The following TCF7L2 variants were observed in gnomAD, a reference collection of about 807,000 sequenced individuals.
TCF7L2 encodes the protein transcription factor 7-like 2.
In TCF7L2, 23 loss-of-function variants were observed where a neutral mutation model predicts 77.9. That is an observed-to-expected ratio of 0.30 (90% CI 0.21 to 0.42). TCF7L2 has a LOEUF of 0.42. Ranked by LOEUF, TCF7L2 falls within the 10% of genes least tolerant of loss-of-function variation. The pLI, the probability that TCF7L2 is intolerant of heterozygous loss-of-function variation, is 1.00. For synonymous variants in TCF7L2, 413 were observed against 340.2 expected, an observed-to-expected ratio of 1.21 and a Z score of -2.36; for missense variants, 654 against 793.1, an observed-to-expected ratio of 0.82 and a Z score of 2.11.
intron 5 of TCF7L2, among the ~76,000 whole-genome samples, chr10:113,100,533 A>G (rs1378625630): frequency 6.6e-6 from 1 of 152,098 alleles, no homozygotes; most frequent in Non-Finnish European, 1.5e-5. Flanking sequence ...GCACTAAAAG[A>G]TGAAAGCACT....
rs2067950137 is a variant in TCF7L2 at position 113,139,449 on chromosome 10, C to T, written c.553-1735C>T. Among the ~76,000 whole-genome samples, 10 of 152,308 alleles carry T rather than the reference C, an allele frequency of 6.6e-5. No individual in the cohort carries two copies. The South Asian group carries it at 2.1e-3, about 32-fold the overall frequency. Reference sequence around the variant, plus strand: ...TTCACCCTGGCCATGGCCTGCCCCGCCCTTCATGGCTGCCCCTTTTATGGA... The same window carrying T: ...TTCACCCTGGCCATGGCCTGCCCCGTCCTTCATGGCTGCCCCTTTTATGGA... On this transcript the variant is annotated intron_variant, in intron 5 of 13. Transcript: ENST00000627217.
Position 113,151,141 on chromosome 10 carries a change from T to A in TCF7L2, c.1001+18T>A. 6.2e-7 allele frequency: 1 copy of A among 1,614,130 alleles called. No homozygotes were observed. On this transcript the variant is annotated intron_variant, in intron 9 of 13. Coordinates refer to ENST00000627217, the MANE Select transcript of TCF7L2 (RefSeq NM_001146274.2). This position sits in a 1 kb window ranked among gnomAD's most constrained non-coding sequence, Gnocchi z 5.2. ...CATAGTTCGTAAGTGTTGCTGTTTT[T>A]CTCACCTTCTTCGTAGCCGCAGTGT...
At chr10:113,145,977 T>A (rs765241119) in intron 7 of TCF7L2, 34 bp from the exon 8 acceptor site, 1 of 1,332,944 alleles carries the variant, frequency 7.5e-7, no homozygotes, top group Non-Finnish European at 1.1e-6. Context: ...CCACCCTTGT[T>A]TCAAGTCTCT....
In TCF7L2 at chr10:113,020,565, T is replaced by C. The variant is rs116341568; in HGVS notation, c.451-19460T>C. Among the ~76,000 whole-genome samples, 1,522 of 152,312 alleles carry C rather than the reference T, an allele frequency of 1.0e-2. 30 individuals are homozygous for C. Among genetic ancestry groups the C allele is most frequent in the African/African-American group, 0.034 (1,405 of 41,566 alleles). ...TGACATGGTGCAAAGAGCCAATTCC[T>C]GGTTGCAAAGAGGCAGCTGGGTGCA... is the stretch of plus-strand genomic sequence containing the variant. On this transcript the variant is annotated intron_variant, in intron 4 of 13. Coordinates refer to ENST00000627217, the MANE Select transcript of TCF7L2 (RefSeq NM_001146274.2).
chr10:113,066,602 C>T (rs943480629), intron 5 of TCF7L2, among the ~76,000 whole-genome samples: 2 of 152,126 alleles, frequency 1.3e-5, no homozygotes, highest in African/African-American at 2.4e-5. Context: ...TAAAAGCTTC[C>T]AAACCCACTT....
chr10:112,977,236 C>G (rs568352806), intron 4 of TCF7L2, among the ~76,000 whole-genome samples: 2 of 152,258 alleles, frequency 1.3e-5, no homozygotes, highest in East Asian at 3.9e-4. Flanking sequence ...TCTTCCAAGG[C>G]TTGAAAATGG....
rs1380653888 is a variant in TCF7L2 at position 113,097,672 on chromosome 10, AAAC to A, written c.553-43508_553-43506del. 7.6e-4 allele frequency among the ~76,000 whole-genome samples: 93 copies of A among 122,820 alleles called. 3 individuals carry two copies. Among genetic ancestry groups the A allele is most frequent in the African/African-American group, 2.5e-3 (90 of 36,318 alleles). 80.6% of individuals were successfully genotyped at this position (122,820 alleles called of 152,430 possible). On this transcript the variant is annotated intron_variant, in intron 5 of 13. Transcript: ENST00000627217. ...AAAAAAAAAAAAAAAAAAAAAAAAA[AAAC>A]AACCATGAGAAAGATATATGGAGGT...
chr10:113,110,070 T>A (rs2062925425), intron 5 of TCF7L2, among the ~76,000 whole-genome samples: 1 of 152,212 alleles, frequency 6.6e-6, no homozygotes, highest in Non-Finnish European at 1.5e-5. Context: ...GTTAAACACG[T>A]CAGTTATATT....
rs1296668298 is a variant in TCF7L2 at position 113,166,088 on chromosome 10, T to C, written c.*116T>C. ...TGTACTCTCTTAATTTTGTGCCATG[T>C]GGCTACATTAGTTGATGTTTATCGA... On this transcript the variant is annotated 3_prime_UTR_variant, in exon 14 of 14. Transcript: ENST00000627217. 7.4e-6 allele frequency: 7 copies of C among 946,316 alleles called. No homozygotes were observed. The highest frequency in any genetic ancestry group is 1.0e-5 in the Non-Finnish European group (7 of 694,750). 58.6% of individuals were successfully genotyped at this position (946,316 alleles called of 1,614,324 possible).
intron 3 of TCF7L2, among the ~76,000 whole-genome samples, chr10:112,954,417 A>G (rs780652621): frequency 1.3e-5 from 2 of 152,236 alleles, no homozygotes; most frequent in Non-Finnish European, 2.9e-5. Context: ...TGAATAATAC[A>G]TTATCTCAAG....
At chr10:112,963,552 C>T (rs1483157877) in intron 3 of TCF7L2, among the ~76,000 whole-genome samples, 1 of 152,214 alleles carries the variant, frequency 6.6e-6, no homozygotes, top group Non-Finnish European at 1.5e-5. Context: ...TCTGATTCCT[C>T]ATTAGTAGTT....
intron 8 of TCF7L2, among the ~76,000 whole-genome samples, chr10:113,146,637 A>T (rs1278194452): frequency 2.0e-3 from 298 of 151,668 alleles, no homozygotes; most frequent in African/African-American, 7.0e-3. Context: ...TTTTTTTTAA[A>T]AAAAAGATAA....
chr10:113,034,678 C>T (rs1181394037), intron 4 of TCF7L2, among the ~76,000 whole-genome samples: 1 of 151,976 alleles, frequency 6.6e-6, no homozygotes, highest in African/African-American at 2.4e-5. Flanking sequence ...GGAGGGTCAT[C>T]TGAGGTCAGG....
At chr10:113,129,165 C>T (rs753695514) in intron 5 of TCF7L2, 1 of 276,134 alleles carries the variant, frequency 3.6e-6, no homozygotes, top group Non-Finnish European at 5.5e-6. Flanking sequence ...TGCAAAGTGT[C>T]ACTTCCGTGT....
chr10:113,116,582 A>G (rs1490194241), intron 5 of TCF7L2, among the ~76,000 whole-genome samples: 3 of 152,202 alleles, frequency 2.0e-5, no homozygotes, highest in Non-Finnish European at 4.4e-5. Flanking sequence ...TTATTTGTGA[A>G]ATCGTTGTTT....
intron 5 of TCF7L2, chr10:113,129,876 G>T (rs1214765541): frequency 7.8e-7 from 1 of 1,290,158 alleles, no homozygotes; most frequent in Non-Finnish European, 1.0e-6. Flanking sequence ...TGTACCCTAG[G>T]GACACAATTT....
chr10:113,059,304 C>T (rs893052168), intron 5 of TCF7L2, among the ~76,000 whole-genome samples: 5 of 152,044 alleles, frequency 3.3e-5, no homozygotes, highest in African/African-American at 1.2e-4. Context: ...TAAAAACATG[C>T]GGCTTTCAAG....
At chr10:113,126,371 C>T (rs1215130613) in intron 5 of TCF7L2, among the ~76,000 whole-genome samples, 1 of 152,144 alleles carries the variant, frequency 6.6e-6, no homozygotes, top group Non-Finnish European at 1.5e-5. Flanking sequence ...CTCTGAATGG[C>T]ATCAGATAGC....
At chr10:113,027,807 A>C (rs2049464232) in intron 4 of TCF7L2, among the ~76,000 whole-genome samples, 2 of 149,404 alleles carry the variant, frequency 1.3e-5, no homozygotes, top group African/African-American at 5.0e-5. Flanking sequence ...ACCCAGCCCC[A>C]CATGTCATGC....
Sources: gnomAD v4.1 joint callset for allele counts (sites outside exome capture counted in the v4.1 genomes callset) on GRCh38, gnomAD v4.1.1 for gene constraint, Gnocchi (gnomAD v3.1) non-coding constraint, MANE v1.5 for transcripts, NCBI Gene and HGNC (gene_info 2026-07-23, HGNC 2026-07-21) for gene names.